Variants in SAMD12 observed in about 807,000 individuals in gnomAD.
SAMD12 encodes sterile alpha motif domain-containing protein 12.
Under a neutral mutation model 15.0 loss-of-function variants are expected in SAMD12, and 9 were observed. The observed-to-expected ratio is 0.60, with a 90% CI of 0.36 to 1.05. The LOEUF (loss-of-function observed/expected upper bound fraction) is 1.05. SAMD12 is among the 50% of genes least tolerant of loss of function. SAMD12 has a pLI of 0.01. For synonymous variants in SAMD12, 86 were observed against 90.1 expected, an observed-to-expected ratio of 0.96 and a Z score of 0.25; for missense variants, 230 against 234.2, an observed-to-expected ratio of 0.98 and a Z score of 0.12.
intron 3 of SAMD12, among the ~76,000 whole-genome samples, chr8:118,404,311 T>C (rs1821017548): frequency 6.6e-6 from 1 of 152,218 alleles, no homozygotes; most frequent in Non-Finnish European, 1.5e-5. Flanking sequence ...TTGCTTGGTA[T>C]TCTCTGAGTT....
At chr8:118,198,879 C>G (rs1380764176) in intron 4 of SAMD12, among the ~76,000 whole-genome samples, 1 of 150,992 alleles carries the variant, frequency 6.6e-6, no homozygotes, top group Non-Finnish European at 1.5e-5. Context: ...AGGAGTATAT[C>G]CTAAGGAAAT....
intron 2 of SAMD12, among the ~76,000 whole-genome samples, chr8:118,458,884 C>T (rs1823332964): frequency 6.6e-6 from 1 of 151,794 alleles, no homozygotes; most frequent in African/African-American, 2.4e-5. Context: ...ATTTAATGTG[C>T]CTGACACTTA....
At chr8:118,496,374 C>T (rs1824610332) in intron 2 of SAMD12, among the ~76,000 whole-genome samples, 1 of 152,092 alleles carries the variant, frequency 6.6e-6, no homozygotes, top group African/African-American at 2.4e-5. Flanking sequence ...AAAACAGACA[C>T]AGAGACCAAT....
chr8:118,315,282 C>A (rs1421293583), intron 4 of SAMD12, among the ~76,000 whole-genome samples: 1 of 152,082 alleles, frequency 6.6e-6, no homozygotes, highest in East Asian at 1.9e-4. Flanking sequence ...TTCCTGTGTT[C>A]GAGTTTTAAA....
At chr8:118,548,384 T>C (rs3138836) in intron 2 of SAMD12, among the ~76,000 whole-genome samples, 107 of 139,868 alleles carry the variant, frequency 7.7e-4, no homozygotes, top group East Asian at 4.7e-3. Flanking sequence ...AAAACACACA[T>C]ACACACACAC....
intron 4 of SAMD12, among the ~76,000 whole-genome samples, chr8:118,276,683 CTTCTT>C (rs772212987): frequency 7.9e-5 from 12 of 151,972 alleles, no homozygotes; most frequent in Non-Finnish European, 1.5e-4. Context: ...TTCTTCTTGA[CTTCTT>C]TTGAGACAGA....
intron 4 of SAMD12, among the ~76,000 whole-genome samples, chr8:118,321,147 ATATATATAT>A: frequency 1.6e-4 from 1 of 6,430 alleles, no homozygotes; most frequent in African/African-American, 3.8e-4. Context: ...GATAATAAAT[ATATATATAT>A]ATATATATAT....
chr8:118,184,903 CTTT>C (rs5894416), downstream of SAMD12, among the ~76,000 whole-genome samples: 4 of 141,662 alleles, frequency 2.8e-5, no homozygotes, highest in Admixed American at 7.0e-5. Flanking sequence ...ACCATTTGTT[CTTT>C]TTTTTTTTTT....
intron 2 of SAMD12, among the ~76,000 whole-genome samples, chr8:118,541,689 C>T (rs977194017): frequency 6.6e-6 from 1 of 152,066 alleles, no homozygotes; most frequent in Non-Finnish European, 1.5e-5. Flanking sequence ...TCCTTATAGA[C>T]AAATTTCAAA....
At chr8:118,284,349 C>T (rs917335083) in intron 4 of SAMD12, 23 of 456,248 alleles carry the variant, frequency 5.0e-5, no homozygotes, top group African/African-American at 4.4e-4. Flanking sequence ...TAACAATATG[C>T]TTCTGTAAAT....
chr8:118,354,221 T>C (rs1417871714), intron 4 of SAMD12, among the ~76,000 whole-genome samples: 2 of 152,182 alleles, frequency 1.3e-5, no homozygotes, highest in Non-Finnish European at 2.9e-5. Flanking sequence ...ATAAAAGGCA[T>C]AAAAAAGTTA....
intron 3 of SAMD12, among the ~76,000 whole-genome samples, chr8:118,406,383 C>T (rs1466746912): frequency 2.6e-5 from 4 of 152,104 alleles, no homozygotes; most frequent in Non-Finnish European, 5.9e-5. Context: ...AAGTGATTCT[C>T]CTGTCTCAGC....
chr8:118,336,580 T>C (rs1817079740), intron 4 of SAMD12, among the ~76,000 whole-genome samples: 1 of 151,866 alleles, frequency 6.6e-6, no homozygotes, highest in Non-Finnish European at 1.5e-5. Flanking sequence ...TAGTTCTAGA[T>C]CCTTGAGGAA....
At chr8:118,398,574 G>C (rs1357620763) in intron 3 of SAMD12, among the ~76,000 whole-genome samples, 1 of 152,124 alleles carries the variant, frequency 6.6e-6, no homozygotes, top group Non-Finnish European at 1.5e-5. Flanking sequence ...GAAAGAAAGA[G>C]AATCTTTCCT....
intron 2 of SAMD12, among the ~76,000 whole-genome samples, chr8:118,469,004 C>T (rs1045532287): frequency 2.6e-5 from 4 of 152,194 alleles, no homozygotes; most frequent in Non-Finnish European, 4.4e-5. Flanking sequence ...CATCTCCTTT[C>T]TCTGCCTTGG....
At chr8:118,326,065 A>G (rs1294222271) in intron 4 of SAMD12, among the ~76,000 whole-genome samples, 1 of 152,212 alleles carries the variant, frequency 6.6e-6, no homozygotes, top group Non-Finnish European at 1.5e-5. Flanking sequence ...ATTAGAGAGA[A>G]TGAAATGTGT....
At chr8:118,226,812 G>A (rs976295316) in intron 4 of SAMD12, among the ~76,000 whole-genome samples, 7 of 152,144 alleles carry the variant, frequency 4.6e-5, no homozygotes, top group African/African-American at 1.7e-4. Flanking sequence ...CTTCCAGAGG[G>A]GCCATCTGGC....
At chr8:118,587,603 A>G (rs1563599229) in intron 1 of SAMD12, among the ~76,000 whole-genome samples, 1 of 152,204 alleles carries the variant, frequency 6.6e-6, no homozygotes, top group African/African-American at 2.4e-5. Context: ...AGATCTTAAC[A>G]TCACTCTTCC....
At chr8:118,190,041 C>A (rs938191250) in exon 5 of SAMD12, 1 of 151,274 alleles carries the variant, frequency 6.6e-6, no homozygotes, top group Admixed American at 6.6e-5. Context: ...CTTGGAAGAC[C>A]AACAGAATTA....
Sources: gnomAD v4.1 joint callset for allele counts (sites outside exome capture counted in the v4.1 genomes callset) on GRCh38, gnomAD v4.1.1 for gene constraint, MANE v1.5 for transcripts, NCBI Gene and HGNC (gene_info 2026-07-23, HGNC 2026-07-21) for gene names.